FAT3: variants seen among roughly 807,000 people sequenced by gnomAD.
FAT3 encodes protocadherin Fat 3.
In FAT3, 95 loss-of-function variants were observed where a neutral mutation model predicts 310.2. That is an observed-to-expected ratio of 0.31 (90% CI 0.26 to 0.36). The LOEUF (loss-of-function observed/expected upper bound fraction) is 0.36. FAT3 is among the 10% of genes least tolerant of loss of function. The probability of loss-of-function intolerance (pLI) is 1.00; values close to 1 mark genes in which losing one functional copy is unlikely to be tolerated. For synonymous variants in FAT3, 2,314 were observed against 2,192.9 expected (o/e 1.06, Z -1.54); for missense variants, 5,408 against 5,715.6 (o/e 0.95, Z 1.74).
intron 2 of FAT3, among the ~76,000 whole-genome samples, chr11:92,374,843 G>GT (rs35238771): frequency 5.1e-4 from 60 of 117,912 alleles, no homozygotes; most frequent in Middle Eastern, 4.0e-3. Flanking sequence ...TCTTACAGCA[G>GT]TTTTTTTTTT....
At chr11:92,869,148 G>A (rs974342616) in intron 22 of FAT3, among the ~76,000 whole-genome samples, 4 of 152,096 alleles carry the variant, frequency 2.6e-5, no homozygotes, top group Admixed American at 6.5e-5. Context: ...TTGTCTGGGG[G>A]GACTTACGTT....
intron 19 of FAT3, among the ~76,000 whole-genome samples, chr11:92,854,160 C>T (rs1451834776): frequency 1.3e-5 from 2 of 152,174 alleles, no homozygotes; most frequent in African/African-American, 2.4e-5. Flanking sequence ...GTTAGCACCA[C>T]CCTGAATGCA....
rs533366684 is a variant in FAT3 at position 92,578,885 on chromosome 11, A to G, written c.3607+53937A>G. On this transcript the variant is annotated intron_variant, in intron 3 of 27. Coordinates refer to ENST00000525166, the MANE Select transcript of FAT3 (RefSeq NM_001367949.2). ...GATCGTCTAATATATCATAAAAAAA[A>G]TGCTGGAAAGGTAATTAAGTATGTG... Among the ~76,000 whole-genome samples, 3 of 152,274 alleles carry G rather than the reference A, an allele frequency of 2.0e-5. No individual in the cohort carries two copies. In the South Asian group the frequency reaches 6.2e-4, roughly 32 times the overall value.
At chr11:92,640,574 A>T (rs529998249) in intron 3 of FAT3, among the ~76,000 whole-genome samples, 1 of 152,324 alleles carries the variant, frequency 6.6e-6, no homozygotes, top group South Asian at 2.1e-4. Context: ...AAGGACACAG[A>T]GTCATAAAAT....
rs763230819 is a variant in FAT3 at position 92,836,715 on chromosome 11, T to G, written c.10224+12T>G. 1 of 1,611,458 alleles carries G rather than the reference T, an allele frequency of 6.2e-7. No homozygotes were observed. Among genetic ancestry groups the G allele is most frequent in the Non-Finnish European group, 8.5e-7 (1 of 1,178,656 alleles). ...TGGACCGGGAACGGGTAAGCTAGTT[T>G]AGGACAGTTTCCTTCCCATCCACAT... is the stretch of plus-strand genomic sequence containing the variant. On this transcript the variant is annotated intron_variant, in intron 16 of 27. Coordinates refer to ENST00000525166, the MANE Select transcript of FAT3 (RefSeq NM_001367949.2).
chr11:92,705,755 CTGTGATGG>C (rs1432897862), intron 4 of FAT3, among the ~76,000 whole-genome samples: 3 of 3,378 alleles, frequency 8.9e-4, no homozygotes, highest in Non-Finnish European at 1.6e-3. Flanking sequence ...GGTGATGGTG[CTGTGATGG>C]TGTGATGGTG....
intron 2 of FAT3, among the ~76,000 whole-genome samples, chr11:92,509,321 T>C (rs143855500): frequency 2.1e-3 from 313 of 152,326 alleles, no homozygotes; most frequent in African/African-American, 7.2e-3. Flanking sequence ...TAAAAATGTG[T>C]ATCTCCTTTG....
chr11:92,811,692 C>A (rs1325494173), intron 13 of FAT3, among the ~76,000 whole-genome samples: 1 of 152,066 alleles, frequency 6.6e-6, no homozygotes, highest in Non-Finnish European at 1.5e-5. Context: ...CTTACCAGTA[C>A]CTTGATCTAC....
chr11:92,409,227 TG>T (rs1398552989), intron 2 of FAT3, among the ~76,000 whole-genome samples: 1 of 151,978 alleles, frequency 6.6e-6, no homozygotes, highest in Non-Finnish European at 1.5e-5. Context: ...TTTGTTAACC[TG>T]AATCAATGAA....
intron 2 of FAT3, among the ~76,000 whole-genome samples, chr11:92,382,992 C>T (rs1240996537): frequency 6.6e-6 from 1 of 152,186 alleles, no homozygotes; most frequent in Admixed American, 6.5e-5. Context: ...TCCCTACCCC[C>T]AGCCCCTGCC....
intron 2 of FAT3, among the ~76,000 whole-genome samples, chr11:92,465,046 G>A (rs896535390): frequency 5.3e-5 from 8 of 152,074 alleles, no homozygotes; most frequent in Admixed American, 2.0e-4. Flanking sequence ...AGCTGCCGAC[G>A]TGATTATGGG....
intron 19 of FAT3, among the ~76,000 whole-genome samples, chr11:92,848,698 G>A (rs910659224): frequency 2.6e-5 from 4 of 152,260 alleles, no homozygotes; most frequent in East Asian, 1.9e-4. Context: ...ATGGAACCTA[G>A]TGCTCCAAAT....
At chr11:92,546,538 C>A (rs954016941) in intron 3 of FAT3, among the ~76,000 whole-genome samples, 1 of 152,104 alleles carries the variant, frequency 6.6e-6, no homozygotes, top group African/African-American at 2.4e-5. Flanking sequence ...CTTTCATGCA[C>A]CATATGCTGG....
At chr11:92,611,124 CTATT>C (rs571039601) in intron 3 of FAT3, among the ~76,000 whole-genome samples, 28 of 151,968 alleles carry the variant, frequency 1.8e-4, no homozygotes, top group African/African-American at 6.8e-4. Flanking sequence ...TATCTTCTCT[CTATT>C]TATTTATTTA....
intron 4 of FAT3, among the ~76,000 whole-genome samples, chr11:92,708,043 C>A (rs952362013): frequency 6.6e-6 from 1 of 152,162 alleles, no homozygotes; most frequent in Non-Finnish European, 1.5e-5. Flanking sequence ...TGGGAGCTAC[C>A]AACCTCATCT....
intron 2 of FAT3, among the ~76,000 whole-genome samples, chr11:92,507,684 A>G (rs1474769732): frequency 2.0e-5 from 3 of 148,698 alleles, no homozygotes; most frequent in African/African-American, 5.2e-5. Context: ...ATATGCACAC[A>G]TGTGTACATA....
chr11:92,329,613 AT>A (rs926360606), intron 1 of FAT3, among the ~76,000 whole-genome samples: 38 of 129,114 alleles, frequency 2.9e-4, no homozygotes, highest in South Asian at 1.0e-3. Flanking sequence ...TTTTTATAGA[AT>A]TTTTTTTTTC....
At chr11:92,263,018 T>C (rs1223095444) in intron 1 of FAT3, among the ~76,000 whole-genome samples, 2 of 152,068 alleles carry the variant, frequency 1.3e-5, no homozygotes, top group South Asian at 2.1e-4. Flanking sequence ...CATTACTTTG[T>C]AGCTGGATGC....
At chr11:92,474,464 G>T (rs192345390) in intron 2 of FAT3, among the ~76,000 whole-genome samples, 57 of 152,184 alleles carry the variant, frequency 3.7e-4, no homozygotes, top group Middle Eastern at 3.4e-3. Context: ...TACCTTAACT[G>T]GTTGTAATTC....
Sources: gnomAD v4.1 joint callset for allele counts (sites outside exome capture counted in the v4.1 genomes callset) on GRCh38, gnomAD v4.1.1 for gene constraint, MANE v1.5 for transcripts, NCBI Gene and HGNC (gene_info 2026-07-23, HGNC 2026-07-21) for gene names.